Variants in RGS10 observed in about 807,000 individuals in gnomAD.
RGS10 encodes the protein regulator of G protein signaling 10.
In RGS10, 11 loss-of-function variants were observed where a neutral mutation model predicts 23.5. That is an observed-to-expected ratio of 0.47 (90% CI 0.29 to 0.77). The LOEUF (loss-of-function observed/expected upper bound fraction) is 0.77, where lower values mean the gene tolerates loss of function less well. RGS10 is among the 30% of genes least tolerant of loss of function. The pLI is 0.08. For missense variants in RGS10, 180 were observed against 226.3 expected (o/e 0.80, Z 1.31); for synonymous variants, 77 against 83.2 (o/e 0.92, Z 0.41).
chr10:119,513,652 T>G (rs1445397225), intron 4 of RGS10, among the ~76,000 whole-genome samples: 1 of 152,156 alleles, frequency 6.6e-6, no homozygotes, highest in Admixed American at 6.5e-5. Context: ...GCTGGATCTC[T>G]CAGAGCCTGC....
Position 119,527,492 on chromosome 10 carries a change from A to G in RGS10, c.50-68T>C, listed in dbSNP as rs758474396. On this transcript the variant is annotated intron_variant, in intron 1 of 4. Coordinates refer to ENST00000369103, the MANE Select transcript of RGS10 (RefSeq NM_001005339.2). The surrounding 1 kb of genome is among the most constrained non-coding windows in gnomAD (Gnocchi z 4.2). ...TGTCATTTTAAGAAATCTGCATGCA[A>G]TGGTCAGCACTGCCGTCACCATCAC... 24 of 1,244,960 alleles carry G rather than the reference A, an allele frequency of 1.9e-5. 1 individual carries two copies. Among genetic ancestry groups the G allele is most frequent in the African/African-American group, 2.9e-5 (2 of 67,978 alleles). 77.1% of individuals were successfully genotyped at this position (1,244,960 alleles called of 1,614,324 possible).
At chr10:119,515,751 G>T in intron 3 of RGS10, 99 bp from the exon 4 acceptor site, 1 of 1,444,350 alleles carries the variant, frequency 6.9e-7, no homozygotes, top group South Asian at 1.3e-5. Context: ...AGCTGCTGTG[G>T]CAAGAGAAAG....
chr10:119,510,143 C>A (rs1490595777), intron 4 of RGS10, among the ~76,000 whole-genome samples: 1 of 152,140 alleles, frequency 6.6e-6, no homozygotes, highest in Non-Finnish European at 1.5e-5. Flanking sequence ...GGGACCTGAG[C>A]CAAGGGGCTC....
chr10:119,509,596 T>C (rs982414142), intron 4 of RGS10, among the ~76,000 whole-genome samples: 1 of 151,918 alleles, frequency 6.6e-6, no homozygotes, highest in East Asian at 1.9e-4. Flanking sequence ...GCCTCAAAAA[T>C]ATATATATAA....
chr10:119,537,649 A>G lies in RGS10; in HGVS notation c.49+4941T>C, dbSNP rs548969066. Reference sequence around the variant, plus strand: ...TGAAAGGTGGGGGCTATTTTCTCACAGAACTTAAAATGAATTGAGGAGAGG... The same window carrying G: ...TGAAAGGTGGGGGCTATTTTCTCACGGAACTTAAAATGAATTGAGGAGAGG... On this transcript the variant is annotated intron_variant, in intron 1 of 4. Coordinates refer to ENST00000369103, the MANE Select transcript of RGS10 (RefSeq NM_001005339.2). Among the ~76,000 whole-genome samples, 66 of 152,314 alleles carry G rather than the reference A, an allele frequency of 4.3e-4. No individual in the cohort carries two copies. In the South Asian group the frequency reaches 0.013, roughly 30 times the overall value.
chr10:119,517,467 C>G lies in RGS10; in HGVS notation c.256-1815G>C, dbSNP rs1844159716. ...ACTTAGGAGCTGGCCCTGCTGTCCT[C>G]TCCAAGACCCACCAGCTCCATGAAG... On this transcript the variant is annotated intron_variant, in intron 3 of 4. Coordinates refer to ENST00000369103, the MANE Select transcript of RGS10 (RefSeq NM_001005339.2). The surrounding 1 kb of genome is among the most constrained non-coding windows in gnomAD (Gnocchi z 5.0). 6.6e-6 allele frequency among the ~76,000 whole-genome samples: 1 copy of G among 152,240 alleles called. No individual in the cohort carries two copies. Among genetic ancestry groups the G allele is most frequent in the East Asian group, 1.9e-4 (1 of 5,194 alleles).
In RGS10 at chr10:119,524,700, C is replaced by T. The variant is rs941095471; in HGVS notation, c.255+1332G>A. Among the ~76,000 whole-genome samples, 6 of 152,118 alleles carry T rather than the reference C, an allele frequency of 3.9e-5. No individual in the cohort carries two copies. The highest frequency in any genetic ancestry group is 1.3e-4 in the Admixed American group (2 of 15,266). On this transcript the variant is annotated intron_variant, in intron 3 of 4. Transcript: ENST00000369103. This position sits in a 1 kb window ranked among gnomAD's most constrained non-coding sequence, Gnocchi z 5.2. ...GGGCCCCTCTCTGCCCAGGAGGCTCCGGCCAACGTCATCCAGAGGAGAGAA... is the reference window on the plus strand; with the variant it reads ...GGGCCCCTCTCTGCCCAGGAGGCTCTGGCCAACGTCATCCAGAGGAGAGAA...
intron 1 of RGS10, among the ~76,000 whole-genome samples, chr10:119,541,626 T>C (rs947962690): frequency 4.6e-5 from 7 of 152,038 alleles, no homozygotes; most frequent in Admixed American, 6.5e-5. Context: ...CACCAACGCG[T>C]TGGGACTCTG....
At chr10:119,515,232 C>T (rs1844127868) in intron 4 of RGS10, among the ~76,000 whole-genome samples, 1 of 152,040 alleles carries the variant, frequency 6.6e-6, no homozygotes, top group Non-Finnish European at 1.5e-5. Context: ...ATAGCTCCAG[C>T]CTCCCCTCTA....
intron 3 of RGS10, among the ~76,000 whole-genome samples, chr10:119,519,938 T>C (rs986015484): frequency 6.6e-6 from 1 of 152,186 alleles, no homozygotes; most frequent in African/African-American, 2.4e-5. Flanking sequence ...TTTCTAGCAA[T>C]GTGGGCATGG....
chr10:119,509,542 G>A (rs1241108750), intron 4 of RGS10, among the ~76,000 whole-genome samples: 1 of 152,148 alleles, frequency 6.6e-6, no homozygotes, highest in Non-Finnish European at 1.5e-5. Context: ...AGTGAGCCAA[G>A]ATCACACCAC....
chr10:119,518,378 G>A (rs1369033462), intron 3 of RGS10, among the ~76,000 whole-genome samples: 2 of 152,212 alleles, frequency 1.3e-5, no homozygotes, highest in Non-Finnish European at 2.9e-5. Context: ...GCACCCCAGT[G>A]AGCACCTTCC....
chr10:119,520,639 C>A (rs369248265), intron 3 of RGS10, among the ~76,000 whole-genome samples: 2 of 152,082 alleles, frequency 1.3e-5, no homozygotes, highest in Admixed American at 1.3e-4. Flanking sequence ...TATAGACCCC[C>A]CGCGCCAGCA....
intron 3 of RGS10, among the ~76,000 whole-genome samples, chr10:119,520,641 G>A (rs990259879): frequency 3.3e-5 from 5 of 151,996 alleles, no homozygotes; most frequent in African/African-American, 9.7e-5. Flanking sequence ...TAGACCCCCC[G>A]CGCCAGCAAA....
chr10:119,542,471 C>T (rs12265024), intron 1 of RGS10, 119 bp downstream of exon 1: 69,679 of 868,464 alleles, frequency 0.08, 3,157 homozygotes, highest in Middle Eastern at 0.11. Context: ...TGCGGTCGGC[C>T]GGGGCTCCAG....
intron 3 of RGS10, among the ~76,000 whole-genome samples, chr10:119,523,776 C>T (rs1235331061): frequency 6.6e-6 from 1 of 152,228 alleles, no homozygotes; most frequent in East Asian, 1.9e-4. Context: ...AACCCAACAC[C>T]AGACCTGCCT....
intron 4 of RGS10, among the ~76,000 whole-genome samples, chr10:119,501,482 GGAGGTGGAGGCAGGTGGATCACTT>G (rs1843952545): frequency 6.6e-6 from 1 of 152,182 alleles, no homozygotes; most frequent in Non-Finnish European, 1.5e-5. Flanking sequence ...CAGCACTTTG[GGAGGTGGAGGCAGGTGGATCACTT>G]GAGGTCAGGA....
chr10:119,510,616 G>C (rs1844066088), intron 4 of RGS10, among the ~76,000 whole-genome samples: 1 of 152,154 alleles, frequency 6.6e-6, no homozygotes, highest in Non-Finnish European at 1.5e-5. Flanking sequence ...GTACAGAGTA[G>C]GGCCTCAGTT....
chr10:119,501,826 A>G (rs1386458314), intron 4 of RGS10, among the ~76,000 whole-genome samples: 1 of 152,326 alleles, frequency 6.6e-6, no homozygotes, highest in Admixed American at 6.5e-5. Flanking sequence ...TCAGGAGGGA[A>G]CTGGAACCCT....
Sources: allele counts gnomAD v4.1 joint callset (sites outside exome capture counted in the v4.1 genomes callset), GRCh38; gene constraint gnomAD v4.1.1; non-coding constraint Gnocchi (gnomAD v3.1); transcripts MANE v1.5; gene names NCBI Gene and HGNC (gene_info 2026-07-23, HGNC 2026-07-21).